The following RIMS1 variants were observed in gnomAD, a reference collection of about 807,000 sequenced individuals.
RIMS1 encodes the protein regulating synaptic membrane exocytosis 1.
Under a neutral mutation model 214.1 loss-of-function variants are expected in RIMS1, and 83 were observed. The ratio of observed to expected loss-of-function variants is 0.39; its 90% CI spans 0.32 to 0.47. The LOEUF (loss-of-function observed/expected upper bound fraction) is 0.47, where lower values mean the gene tolerates loss of function less well. Ranked by LOEUF, RIMS1 falls within the 20% of genes least tolerant of loss-of-function variation. The pLI is 0.99. For synonymous variants in RIMS1, 793 were observed against 786.8 expected, an observed-to-expected ratio of 1.01 and a Z score of -0.13; for missense variants, 2,050 against 2,161.8, an observed-to-expected ratio of 0.95 and a Z score of 1.03.
At chr6:72,359,675 A>G (rs889017735) in intron 29 of RIMS1, among the ~76,000 whole-genome samples, 19 of 152,170 alleles carry the variant, frequency 1.2e-4, no homozygotes, top group African/African-American at 4.3e-4. Context: ...CTATATTTTG[A>G]TGTGCATTTC....
At chr6:72,003,236 CT>C (rs1805966821) in intron 2 of RIMS1, among the ~76,000 whole-genome samples, 1 of 152,146 alleles carries the variant, frequency 6.6e-6, no homozygotes, top group Non-Finnish European at 1.5e-5. Flanking sequence ...TCTTATGGCT[CT>C]TTTCTTGCCT....
intron 29 of RIMS1, among the ~76,000 whole-genome samples, chr6:72,335,515 C>T (rs7767108): frequency 4.0e-5 from 6 of 151,720 alleles, no homozygotes; most frequent in African/African-American, 1.2e-4. Flanking sequence ...CTATTGTGAA[C>T]GGTGTTGGAA....
At chr6:72,057,498 C>CTTTTTTTTTTTTTTTTTTTT (rs56115719) in intron 2 of RIMS1, among the ~76,000 whole-genome samples, 5 of 126,210 alleles carry the variant, frequency 4.0e-5, no homozygotes, top group Non-Finnish European at 4.9e-5. Flanking sequence ...CCTTCTTTTT[C>CTTTTTTTTTTTTTTTTTTTT]TTTTTTTTTT....
chr6:71,926,331 A>G lies in RIMS1; in HGVS notation c.164+39144A>G, dbSNP rs191399052. Among the ~76,000 whole-genome samples, 697 of 152,372 alleles carry G rather than the reference A, an allele frequency of 4.6e-3. 5 individuals carry two copies. Among genetic ancestry groups the G allele is most frequent in the African/African-American group, 0.016 (653 of 41,588 alleles). The stretch of plus-strand genomic sequence containing the variant: ...CCCAATTAATTCAGTAACTTTAGAT[A>G]TGAACTTTGAATTGCTAAACTAAAA... On this transcript the variant is annotated intron_variant, in intron 1 of 33. Transcript: ENST00000521978.
intron 24 of RIMS1, among the ~76,000 whole-genome samples, chr6:72,285,890 A>G (rs2154233701): frequency 6.6e-6 from 1 of 152,142 alleles, no homozygotes; most frequent in South Asian, 2.1e-4. Context: ...GTATTCTTTC[A>G]TTCATTTTTT....
chr6:72,251,432 A>ATCAC, intron 15 of RIMS1, 64 bp downstream of exon 15: 2 of 1,210,634 alleles, frequency 1.7e-6, no homozygotes, highest in Non-Finnish European at 2.3e-6. Flanking sequence ...TTAGTGATTA[A>ATCAC]TAATTCAAGA....
intron 4 of RIMS1, among the ~76,000 whole-genome samples, chr6:72,144,409 G>T (rs1395689822): frequency 6.6e-6 from 1 of 152,170 alleles, no homozygotes; most frequent in African/African-American, 2.4e-5. Context: ...CAGTGATGTA[G>T]TATTTTTCTT....
At chr6:72,286,217 T>C (rs1202814950) in intron 24 of RIMS1, among the ~76,000 whole-genome samples, 1 of 151,734 alleles carries the variant, frequency 6.6e-6, no homozygotes, top group Non-Finnish European at 1.5e-5. Context: ...AAAAAATTGC[T>C]AGTTGAGTGA....
At chr6:72,134,696 A>T (rs929069474) in intron 4 of RIMS1, among the ~76,000 whole-genome samples, 1 of 152,134 alleles carries the variant, frequency 6.6e-6, no homozygotes, top group African/African-American at 2.4e-5. Flanking sequence ...TCCTAAGATG[A>T]GGTAGGCTAG....
intron 1 of RIMS1, among the ~76,000 whole-genome samples, chr6:71,946,886 A>G (rs964315893): frequency 7.9e-5 from 12 of 152,146 alleles, no homozygotes; most frequent in Non-Finnish European, 1.5e-5. Context: ...TGCAAAATGT[A>G]CATCTGATAA....
chr6:72,015,641 T>C (rs1488390703), intron 2 of RIMS1, among the ~76,000 whole-genome samples: 1 of 152,104 alleles, frequency 6.6e-6, no homozygotes, highest in African/African-American at 2.4e-5. Flanking sequence ...AATATGTCTC[T>C]GCTGGCCAGG....
chr6:72,044,117 A>T (rs1822281632), intron 2 of RIMS1, among the ~76,000 whole-genome samples: 1 of 151,794 alleles, frequency 6.6e-6, no homozygotes, highest in East Asian at 1.9e-4. Flanking sequence ...AGTGTGGAAA[A>T]CTTTTCAAAT....
chr6:72,287,874 G>A (rs1400272603), intron 24 of RIMS1, among the ~76,000 whole-genome samples: 5 of 152,078 alleles, frequency 3.3e-5, no homozygotes, highest in Non-Finnish European at 4.4e-5. Context: ...GCCACCACGC[G>A]CGGCCGCAAA....
intron 3 of RIMS1, among the ~76,000 whole-genome samples, chr6:72,097,438 T>C (rs1285162878): frequency 1.3e-5 from 2 of 152,204 alleles, no homozygotes; most frequent in Non-Finnish European, 2.9e-5. Flanking sequence ...TTTTGAAAAA[T>C]GCAGTTAATG....
At chr6:72,160,980 T>C (rs2463739) in intron 4 of RIMS1, among the ~76,000 whole-genome samples, 134,959 of 138,514 alleles carry the variant, frequency 0.97, 66,035 homozygotes, top group East Asian at 1. Context: ...TCTTGTATCT[T>C]TGGTAGAATT....
intron 2 of RIMS1, among the ~76,000 whole-genome samples, chr6:72,043,246 T>G (rs1439607573): frequency 6.6e-6 from 1 of 151,700 alleles, no homozygotes; most frequent in East Asian, 1.9e-4. Context: ...AAGGCAAGTT[T>G]CTCCCTGCCA....
At chr6:72,332,654 G>T in intron 28 of RIMS1, among the ~76,000 whole-genome samples, 1 of 148,928 alleles carries the variant, frequency 6.7e-6, no homozygotes, top group Non-Finnish European at 1.5e-5. Context: ...CCTGCACATT[G>T]TGCACATGTA....
intron 19 of RIMS1, chr6:72,262,304 C>A: frequency 1.1e-6 from 1 of 923,872 alleles, no homozygotes; most frequent in Non-Finnish European, 1.3e-6. Flanking sequence ...CTGAGCTCCA[C>A]AAGTCCTATT....
At chr6:72,340,349 A>T (rs1444079188) in intron 29 of RIMS1, among the ~76,000 whole-genome samples, 1 of 151,954 alleles carries the variant, frequency 6.6e-6, no homozygotes, top group Non-Finnish European at 1.5e-5. Context: ...TTAGACATGA[A>T]GTCCTTGCCC....
Sources: allele counts gnomAD v4.1 joint callset (sites outside exome capture counted in the v4.1 genomes callset), GRCh38; gene constraint gnomAD v4.1.1; transcripts MANE v1.5; gene names NCBI Gene and HGNC (gene_info 2026-07-23, HGNC 2026-07-21).